Variants in MYO15A observed in about 807,000 individuals in gnomAD.
MYO15A encodes the protein myosin XVA.
MYO15A carries 308 observed loss-of-function variants against 394.6 expected under a neutral mutation model. The observed-to-expected ratio is 0.78, with a 90% CI of 0.71 to 0.86. MYO15A has a LOEUF of 0.86. Ranked by LOEUF, MYO15A falls within the 40% of genes least tolerant of loss-of-function variation. The pLI is 0.00. For missense variants in MYO15A, 4,606 were observed against 4,799.1 expected (o/e 0.96, Z 1.19); for synonymous variants, 1,957 against 2,003.8 (o/e 0.98, Z 0.62).
In MYO15A at chr17:18,132,442, C is replaced by T; in HGVS notation, c.4207-11C>T. 1 of 1,612,806 alleles carries T rather than the reference C, an allele frequency of 6.2e-7. No individual in the cohort carries two copies. ...GGCTCCCTTCTCTGTGCCCACCTAC[C>T]CACTCTACAGGCCAAAAACGAGAGG... On this transcript the variant is annotated splice_polypyrimidine_tract_variant and intron_variant, in intron 10 of 65. Coordinates refer to ENST00000647165, the MANE Select transcript of MYO15A (RefSeq NM_016239.4). This position sits in a 1 kb window ranked among gnomAD's most constrained non-coding sequence, Gnocchi z 4.6.
intron 30 of MYO15A, among the ~76,000 whole-genome samples, chr17:18,146,984 A>T (rs1158306586): frequency 6.6e-6 from 1 of 152,162 alleles, no homozygotes; most frequent in Non-Finnish European, 1.5e-5. Context: ...GTGTGGATAA[A>T]ATATATAAAC....
In MYO15A at chr17:18,130,797, T is replaced by C. The variant is rs2046141383; in HGVS notation, c.4033-8T>C. The C allele has an allele frequency of 6.2e-7, 1 of 1,606,878 alleles. No individual in the cohort carries two copies. Among genetic ancestry groups the C allele is most frequent in the Non-Finnish European group, 8.5e-7 (1 of 1,178,062 alleles). On this transcript the variant is annotated splice_region_variant and splice_polypyrimidine_tract_variant and intron_variant, in intron 7 of 65. Coordinates refer to ENST00000647165, the MANE Select transcript of MYO15A (RefSeq NM_016239.4). Reference sequence around the variant, plus strand: ...TCTCTTTGTCCTCCCTCCTGGACGCTCTTGAAGATAAAGGTACTCAGTGTG... The same window carrying C: ...TCTCTTTGTCCTCCCTCCTGGACGCCCTTGAAGATAAAGGTACTCAGTGTG...
At chr17:18,112,094 CCT>C (rs2045729241) in intron 1 of MYO15A, among the ~76,000 whole-genome samples, 1 of 152,238 alleles carries the variant, frequency 6.6e-6, no homozygotes, top group African/African-American at 2.4e-5. Flanking sequence ...AGAATGGTGG[CCT>C]CTCAGCCTTT....
chr17:18,158,001 C>G, intron 51 of MYO15A, 101 bp downstream of exon 51: 1 of 1,408,668 alleles, frequency 7.1e-7, no homozygotes, highest in Non-Finnish European at 9.3e-7. Flanking sequence ...AAGGGCCTGG[C>G]CAGGCTCTTG....
At chr17:18,129,498 G>A (rs1307216007) in intron 7 of MYO15A, among the ~76,000 whole-genome samples, 1 of 152,182 alleles carries the variant, frequency 6.6e-6, no homozygotes, top group Non-Finnish European at 1.5e-5. Flanking sequence ...GACTAAATGG[G>A]ACAGATGGAG....
intron 61 of MYO15A, among the ~76,000 whole-genome samples, chr17:18,166,914 G>A (rs997163518): frequency 6.6e-5 from 10 of 152,204 alleles, no homozygotes; most frequent in Non-Finnish European, 1.0e-4. Flanking sequence ...TTGTCTGTGT[G>A]TTATTCTGTG....
Position 18,133,215 on chromosome 17 carries a change from C to T in MYO15A, c.4321-10C>T, listed in dbSNP as rs1281843843. 1.9e-6 allele frequency: 3 copies of T among 1,613,876 alleles called. No homozygotes were observed. The highest frequency in any genetic ancestry group is 1.1e-5 in the South Asian group (1 of 91,026). On this transcript the variant is annotated splice_polypyrimidine_tract_variant and intron_variant, in intron 11 of 65. Transcript: ENST00000647165. The stretch of plus-strand genomic sequence containing the variant: ...AAGCTCCCTGACCCTCAGCCTCTGC[C>T]CTCATGCAGGGTGGGAACTGTGAGA...
intron 18 of MYO15A, 97 bp from the exon 19 acceptor site, chr17:18,139,437 G>A (rs967593656): frequency 1.5e-6 from 2 of 1,359,848 alleles, no homozygotes; most frequent in Non-Finnish European, 2.1e-6. Context: ...GGGGGCTGGA[G>A]GGGTGGGGAC....
chr17:18,166,647 G>A (rs2046859398), intron 61 of MYO15A, 126 bp downstream of exon 61: 2 of 1,297,906 alleles, frequency 1.5e-6, no homozygotes, highest in African/African-American at 2.9e-5. Flanking sequence ...CTCTAGCCCT[G>A]ATGTCTCTGC....
intron 39 of MYO15A, 32 bp from the exon 40 acceptor site, chr17:18,151,363 C>T: frequency 6.2e-7 from 1 of 1,614,192 alleles, no homozygotes; most frequent in Non-Finnish European, 8.5e-7. Context: ...CTTGTGGCCT[C>T]ACCCTGTTCC....
At chr17:18,140,739 G>A (rs758992863) in intron 20 of MYO15A, 48 bp from the exon 21 acceptor site, 31 of 1,614,128 alleles carry the variant, frequency 1.9e-5, no homozygotes, top group Non-Finnish European at 2.5e-5. Context: ...GAGGTTGAGC[G>A]CCTTCTTTTT....
intron 65 of MYO15A, 76 bp downstream of exon 65, chr17:18,173,997 C>T (rs2142437277): frequency 6.5e-7 from 1 of 1,545,582 alleles, no homozygotes. Flanking sequence ...GGTCAGGTCC[C>T]TGCCATGCCC....
At chr17:18,168,000 C>T (rs955786714) in intron 62 of MYO15A, among the ~76,000 whole-genome samples, 8 of 152,220 alleles carry the variant, frequency 5.3e-5, no homozygotes, top group African/African-American at 1.9e-4. Context: ...GACACATGTT[C>T]CCTGTGGTCC....
In MYO15A at chr17:18,148,097, G is replaced by A. The variant is rs1339074598; in HGVS notation, c.6578G>A (p.Gly2193Asp). 6.2e-7 allele frequency: 1 copy of A among 1,613,972 alleles called. No individual in the cohort carries two copies. The highest frequency in any genetic ancestry group is 8.5e-7 in the Non-Finnish European group (1 of 1,180,050). The change falls in exon 31 of 66, where the codon GGC becomes GAC. Residue 2193 changes from glycine to aspartate, a missense_variant. Gly to Asp is a moderately conservative substitution (Grantham distance 94). Transcript: ENST00000647165. This position sits in a 1 kb window ranked among gnomAD's most constrained non-coding sequence, Gnocchi z 4.8. The stretch of plus-strand genomic sequence containing the variant: ...CAGCACCGCCTCATGCAGGCCATGG[G>A]CCGGGCCCAACAGCAGGGCTCGGGG... ...VCQHRLMQAM[G>D]RAQQQGSGAA... is the part of the protein sequence containing the mutation.
rs773195111 is a variant in MYO15A, at chr17:18,140,704, T to A, written c.5360+39T>A. Reference sequence around the variant, plus strand: ...CAGGTGGGCGGAGCACCCAGCCTCATCCTTAACCCACCTCATGACCCTCAG... The same window carrying A: ...CAGGTGGGCGGAGCACCCAGCCTCAACCTTAACCCACCTCATGACCCTCAG... On this transcript the variant is annotated intron_variant, in intron 20 of 65. Transcript: ENST00000647165. The A allele has an allele frequency of 2.5e-6, 4 of 1,614,090 alleles. 1 individual carries two copies. In the South Asian group the frequency reaches 4.4e-5, roughly 18 times the overall value.
At chr17:18,173,547 C>T (rs1422059741) in intron 64 of MYO15A, 1 of 600,392 alleles carries the variant, frequency 1.7e-6, no homozygotes, top group African/African-American at 1.8e-5. Context: ...GTGCCTGGTA[C>T]ATGATAGATG....
rs747025025 is a variant in MYO15A, at chr17:18,161,430, C to A, written c.9500C>A (p.Pro3167Gln). ...TTCCTCCAAGACGTGAGCCGGACCC[C>A]AGGCCTGCCCTTTCAGGGTGAGAGG... ...TRFLQDVSRT[P>Q]GLPFQGIAKA... Residue 3167 changes from proline to glutamine, a missense_variant, in exon 57 of 66, where the codon CCA becomes CAA. Around this residue, in one of 2 missense-constraint regions of MYO15A, gnomAD observed 2,776 missense variants for 3,109.3 expected, o/e 0.89. Transcript: ENST00000647165. 5 of 1,613,958 alleles carry A rather than the reference C, an allele frequency of 3.1e-6. No homozygotes were observed. The highest frequency in any genetic ancestry group is 1.7e-4 in the Middle Eastern group (1 of 6,060).
intron 54 of MYO15A, 61 bp from the exon 55 acceptor site, chr17:18,159,545 C>A: frequency 6.3e-7 from 1 of 1,592,776 alleles, no homozygotes; most frequent in Non-Finnish European, 8.6e-7. Context: ...CCTGGGGCTT[C>A]CTGGGGTGGG....
rs2142245203 is a variant in MYO15A at position 18,120,038 on chromosome 17, G to C, written c.1238G>C (p.Trp413Ser). ...EESASAFVYP[W>S]VPPPIPSPHN... ...TCGGCTTCGGCCTTTGTGTACCCCTGGGTACCACCGCCCATCCCGTCGCCC... is the reference window on the plus strand; with the variant it reads ...TCGGCTTCGGCCTTTGTGTACCCCTCGGTACCACCGCCCATCCCGTCGCCC... The change falls in exon 2 of 66, where the codon TGG (tryptophan) becomes TCG (serine). Residue 413 changes from tryptophan to serine, a missense_variant. Around this residue, in one of 2 missense-constraint regions of MYO15A, gnomAD observed 1,830 missense variants for 1,689.7 expected, o/e 1.08. Transcript: ENST00000647165. The C allele has an allele frequency of 6.2e-7, 1 of 1,613,502 alleles. No individual in the cohort carries two copies. The highest frequency in any genetic ancestry group is 8.5e-7 in the Non-Finnish European group (1 of 1,179,978).
Sources: allele counts gnomAD v4.1 joint callset (sites outside exome capture counted in the v4.1 genomes callset), GRCh38; gene constraint gnomAD v4.1.1; regional missense constraint gnomAD v4.1.1; non-coding constraint Gnocchi (gnomAD v3.1); transcripts MANE v1.5; gene names NCBI Gene and HGNC (gene_info 2026-07-23, HGNC 2026-07-21).